Variants in SERPINC1 observed in about 807,000 individuals in gnomAD.
The protein encoded by SERPINC1 is serpin family C member 1.
In SERPINC1, 12 loss-of-function variants were observed where a neutral mutation model predicts 43.4. The ratio of observed to expected loss-of-function variants is 0.28; its 90% CI spans 0.18 to 0.45. SERPINC1 has a LOEUF of 0.45. Among genes scored for constraint, SERPINC1 ranks in the 20% least tolerant of loss-of-function variants. SERPINC1 has a pLI of 1.00. For missense variants in SERPINC1, 423 were observed against 578.8 expected (o/e 0.73, Z 2.76); for synonymous variants, 210 against 218.9 (o/e 0.96, Z 0.36).
chr1:173,907,368 T>C, intron 6 of SERPINC1, 82 bp downstream of exon 6: 1 of 1,121,392 alleles, frequency 8.9e-7, no homozygotes, highest in Non-Finnish European at 1.4e-6. Context: ...GCCTTAACAC[T>C]GGAAACAGGC....
chr1:173,911,722 G>C lies in SERPINC1; in HGVS notation c.624+77C>G, dbSNP rs1159457315. The C allele has an allele frequency of 5.1e-6, 6 of 1,170,196 alleles. No individual in the cohort carries two copies. In the East Asian group the frequency reaches 1.4e-4, roughly 27 times the overall value. The allele number at this position is 1,170,196 out of a possible 1,614,324, so 72.5% of individuals were successfully genotyped here. ...TCAGCAGCAAAGCAGTGTGAATTTG[G>C]ATGCTGTTTCTCCACCTCCTCAATC... On this transcript the variant is annotated intron_variant, in intron 3 of 6. Transcript: ENST00000367698.
At chr1:173,906,985 G>A (rs1188799347) in intron 6 of SERPINC1, among the ~76,000 whole-genome samples, 2 of 152,126 alleles carry the variant, frequency 1.3e-5, no homozygotes, top group African/African-American at 4.8e-5. Flanking sequence ...GGGCGTGATG[G>A]CACATGCCTG....
rs1657796893 is a variant in SERPINC1 at position 173,912,101 on chromosome 1, T to C, written c.409-87A>G. ...GAGCACATGCTGGTCAGTCTCTGAC[T>C]AATAGCCACCTCAGTTGTTAACTCC... is the stretch of plus-strand genomic sequence containing the variant. On this transcript the variant is annotated intron_variant, in intron 2 of 6. Coordinates refer to ENST00000367698, the MANE Select transcript of SERPINC1 (RefSeq NM_000488.4). 5.5e-6 allele frequency: 5 copies of C among 904,538 alleles called. No homozygotes were observed. The African/African-American group carries it at 8.2e-5, about 15-fold the overall frequency. 56.0% of individuals were successfully genotyped at this position (904,538 alleles called of 1,614,324 possible).
intron 2 of SERPINC1, among the ~76,000 whole-genome samples, chr1:173,913,654 A>G (rs2102788128): frequency 6.6e-6 from 1 of 152,302 alleles, no homozygotes; most frequent in Admixed American, 6.5e-5. Flanking sequence ...CAGGAGTTCA[A>G]GACTAGCCTG....
intron 4 of SERPINC1, 146 bp from the exon 5 acceptor site, chr1:173,910,088 C>T (rs1278435604): frequency 1.2e-6 from 1 of 829,460 alleles, no homozygotes; most frequent in African/African-American, 1.7e-5. Flanking sequence ...TTAACAATGG[C>T]TGTGTCAGAA....
In SERPINC1 at chr1:173,909,895, C is replaced by T; in HGVS notation, c.810G>A (p.Leu270=). Reference sequence around the variant, plus strand: ...ACGACTCTCCATCAGCCTTGTAGAACAGTTCCTTCCTTGTGTTCTCAGGGC... The same window carrying T: ...ACGACTCTCCATCAGCCTTGTAGAATAGTTCCTTCCTTGTGTTCTCAGGGC... ...KFSPENTRKE[L]FYKADGESCS... The change falls in exon 5 of 7, where the codon CTG becomes CTA. Residue 270 remains leucine (L), a synonymous_variant. Transcript: ENST00000367698. 6.2e-7 allele frequency: 1 copy of T among 1,614,196 alleles called. No homozygotes were observed. Among genetic ancestry groups the T allele is most frequent in the South Asian group, 1.1e-5 (1 of 91,090 alleles).
At chr1:173,908,736 A>AT (rs1048082139) in intron 5 of SERPINC1, among the ~76,000 whole-genome samples, 76 of 151,596 alleles carry the variant, frequency 5.0e-4, no homozygotes, top group Non-Finnish European at 1.5e-5. Flanking sequence ...AATTTTTTTT[A>AT]TTTTTTGTAG....
intron 1 of SERPINC1, among the ~76,000 whole-genome samples, chr1:173,916,072 C>T (rs982303671): frequency 1.3e-5 from 2 of 152,130 alleles, no homozygotes; most frequent in African/African-American, 2.4e-5. Context: ...CTTTTTATTG[C>T]CTGGAATTTT....
At chr1:173,913,727 G>T (rs962338673) in intron 2 of SERPINC1, among the ~76,000 whole-genome samples, 13 of 152,190 alleles carry the variant, frequency 8.5e-5, no homozygotes, top group African/African-American at 3.1e-4. Context: ...ATGGTGCCGG[G>T]GGCCTGTAAT....
chr1:173,917,296 T>G lies in SERPINC1; in HGVS notation c.-37A>C. ...TTCCACAGGGCTGGGCAAGTGGAGA[T>G]AGTGTGATCTGAGGCAATCCGCCTG... On this transcript the variant is annotated 5_prime_UTR_variant, in exon 1 of 7. Coordinates refer to ENST00000367698, the MANE Select transcript of SERPINC1 (RefSeq NM_000488.4). 1 of 1,601,766 alleles carries G rather than the reference T, an allele frequency of 6.2e-7. No homozygotes were observed. The highest frequency in any genetic ancestry group is 8.6e-7 in the Non-Finnish European group (1 of 1,168,960).
intron 2 of SERPINC1, among the ~76,000 whole-genome samples, chr1:173,913,680 C>T (rs1466191641): frequency 2.0e-5 from 3 of 152,082 alleles, no homozygotes; most frequent in African/African-American, 7.2e-5. Context: ...CATGGTGAAA[C>T]CCCATCTCTA....
chr1:173,911,691 C>T (rs1657774412), intron 3 of SERPINC1, 108 bp downstream of exon 3: 1 of 890,578 alleles, frequency 1.1e-6, no homozygotes, highest in East Asian at 2.4e-5. Context: ...AGCCCTCCAG[C>T]AGTCTTCAGC....
chr1:173,912,733 C>T (rs941989), intron 2 of SERPINC1, among the ~76,000 whole-genome samples: 71,821 of 151,924 alleles, frequency 0.47, 20,021 homozygotes, highest in African/African-American at 0.77. Flanking sequence ...GGTGCTGAAT[C>T]TCTCTTTTCT....
Position 173,911,943 on chromosome 1 carries a change from G to A in SERPINC1, c.480C>T (p.Cys160=), listed in dbSNP as rs753759247. 1.2e-6 allele frequency: 2 copies of A among 1,614,166 alleles called. No homozygotes were observed. Among genetic ancestry groups the A allele is most frequent in the Admixed American group, 3.3e-5 (2 of 60,018 alleles). Residue 160 remains cysteine, a synonymous_variant, in exon 3 of 7, where the codon TGC becomes TGT. Transcript: ENST00000367698. ...ATTTGTTGGCTTTTCGATAGAGTCG[G>A]CAGTTCAGTTTGGCAAAGAAGAAGT... ...QIHFFFAKLN[C]RLYRKANKSS...
chr1:173,915,575 G>T (rs550815677), intron 1 of SERPINC1, among the ~76,000 whole-genome samples: 2 of 152,302 alleles, frequency 1.3e-5, no homozygotes, highest in South Asian at 4.1e-4. Context: ...TACTAGGGAG[G>T]CTGAGGCAGA....
In SERPINC1 at chr1:173,909,852, A is replaced by T; in HGVS notation, c.853T>A (p.Tyr285Asn). The T allele has an allele frequency of 1.2e-6, 2 of 1,614,082 alleles. No individual in the cohort carries two copies. Among genetic ancestry groups the T allele is most frequent in the African/African-American group, 2.7e-5 (2 of 75,066 alleles). The stretch of plus-strand genomic sequence containing the variant: ...CGATAACGGAACTTGCCTTCCTGGT[A>T]CATCATAGATGCTGAACACGACTCT... ...DGESCSASMM[Y>N]QEGKFRYRRV... is the part of the protein sequence containing the mutation. Residue 285 changes from tyrosine (Y) to asparagine (N), a missense_variant, in exon 5 of 7, where the codon TAC becomes AAC. Physicochemically the swap from Tyr to Asn is moderately radical, Grantham distance 143. Coordinates refer to ENST00000367698, the MANE Select transcript of SERPINC1 (RefSeq NM_000488.4).
intron 1 of SERPINC1, 147 bp from the exon 2 acceptor site, chr1:173,915,066 C>T (rs1432327477): frequency 6.6e-7 from 1 of 1,516,548 alleles, no homozygotes; most frequent in Admixed American, 2.0e-5. Flanking sequence ...AGTACAGGGG[C>T]CCGGGACAGG....
intron 5 of SERPINC1, among the ~76,000 whole-genome samples, chr1:173,907,864 C>A (rs1244657185): frequency 6.6e-6 from 1 of 151,850 alleles, no homozygotes; most frequent in Non-Finnish European, 1.5e-5. Context: ...GCCTGTAATC[C>A]CAGCTACTTG....
chr1:173,908,490 CA>C (rs753240633), intron 5 of SERPINC1, among the ~76,000 whole-genome samples: 8,589 of 53,974 alleles, frequency 0.16, 122 homozygotes, highest in East Asian at 0.35. Flanking sequence ...GACTTCGTCT[CA>C]AAAAAAAAAA....
Sources: allele counts gnomAD v4.1 joint callset (sites outside exome capture counted in the v4.1 genomes callset), GRCh38; gene constraint gnomAD v4.1.1; transcripts MANE v1.5; gene names NCBI Gene and HGNC (gene_info 2026-07-23, HGNC 2026-07-21).